The following DLGAP2 variants were observed in gnomAD, a reference collection of about 807,000 sequenced individuals.
DLGAP2 encodes DLG associated protein 2, also known as disks large-associated protein 2.
A neutral mutation model predicts 100.3 loss-of-function variants in DLGAP2; 26 were observed. The observed-to-expected ratio is 0.26, with a 90% CI of 0.19 to 0.36. The LOEUF (loss-of-function observed/expected upper bound fraction) is 0.36. Ranked by LOEUF, DLGAP2 falls within the 10% of genes least tolerant of loss-of-function variation. The probability of loss-of-function intolerance (pLI) is 1.00; values close to 1 mark genes in which losing one functional copy is unlikely to be tolerated. For synonymous variants in DLGAP2, 886 were observed against 630.1 expected (o/e 1.41, Z -6.08); for missense variants, 1,858 against 1,453.2 (o/e 1.28, Z -4.53).
chr8:903,947 G>A (rs761413100), intron 1 of DLGAP2, among the ~76,000 whole-genome samples: 5 of 152,238 alleles, frequency 3.3e-5, no homozygotes, highest in Admixed American at 1.3e-4. Flanking sequence ...GGAGCTGCAC[G>A]GGAGGCATCA....
intron 2 of DLGAP2, among the ~76,000 whole-genome samples, chr8:1,039,512 G>T (rs1328077754): frequency 2.9e-5 from 4 of 138,392 alleles, no homozygotes; most frequent in African/African-American, 1.1e-4. Context: ...GGTCGGCTCG[G>T]TGTGCATGTT....
At chr8:1,028,767 A>C (rs1156763701) in intron 2 of DLGAP2, among the ~76,000 whole-genome samples, 1 of 152,204 alleles carries the variant, frequency 6.6e-6, no homozygotes, top group Non-Finnish European at 1.5e-5. Context: ...AGGCAGTGAG[A>C]ATCCCTTGGG....
intron 5 of DLGAP2, 182 bp from the exon 6 acceptor site, chr8:1,565,501 C>A: frequency 5.3e-6 from 3 of 566,272 alleles, no homozygotes; most frequent in East Asian, 3.0e-5. Context: ...TGAAGAAAAA[C>A]CAACATTTTT....
intron 2 of DLGAP2, among the ~76,000 whole-genome samples, chr8:1,093,250 CCCG>C (rs879331254): frequency 2.6e-5 from 4 of 152,016 alleles, no homozygotes; most frequent in Admixed American, 2.6e-4. Flanking sequence ...CACCTTCACA[CCCG>C]CAGCCAGAAA....
At chr8:1,446,499 G>C (rs1797989878) in intron 3 of DLGAP2, among the ~76,000 whole-genome samples, 1 of 152,168 alleles carries the variant, frequency 6.6e-6, no homozygotes, top group Non-Finnish European at 1.5e-5. Flanking sequence ...CTGTTGCCTT[G>C]TAGTATAGTT....
At chr8:1,515,052 T>G (rs913551993) in intron 4 of DLGAP2, among the ~76,000 whole-genome samples, 66 of 151,336 alleles carry the variant, frequency 4.4e-4, no homozygotes, top group African/African-American at 1.6e-3. Context: ...CGTGCAGGGA[T>G]ACCGATCCCT....
At chr8:1,440,147 G>A (rs1324630545) in intron 3 of DLGAP2, among the ~76,000 whole-genome samples, 3 of 152,104 alleles carry the variant, frequency 2.0e-5, no homozygotes, top group Non-Finnish European at 4.4e-5. Context: ...AAGAAAAAAA[G>A]GAAGTCTGTT....
chr8:1,676,615 A>G lies in DLGAP2; in HGVS notation c.2285A>G (p.Lys762Arg). Residue 762 changes from lysine to arginine, a missense_variant, in exon 11 of 15, where the codon AAG (lysine) becomes AGG (arginine). By Grantham distance (26) the Lys-to-Arg change is conservative. Transcript: ENST00000637795. ...GTCGGGGTGCAAGTGGAAGATGAGA[A>G]GCGGTAACTCAGCCCCTCCTGACAC... ...HSVGVQVEDEKRHGRFKRSNS... is the reference protein window; with the variant it reads ...HSVGVQVEDERRHGRFKRSNS... The G allele has an allele frequency of 6.2e-7, 1 of 1,611,960 alleles. No homozygotes were observed. Among genetic ancestry groups the G allele is most frequent in the Non-Finnish European group, 8.5e-7 (1 of 1,179,122 alleles).
At chr8:847,182 T>C (rs1194459167) in intron 1 of DLGAP2, among the ~76,000 whole-genome samples, 1 of 152,236 alleles carries the variant, frequency 6.6e-6, no homozygotes, top group Non-Finnish European at 1.5e-5. Context: ...ATTCAGGTTT[T>C]CTGCTGCTTC....
chr8:1,660,077 G>A (rs1798374672), intron 8 of DLGAP2, among the ~76,000 whole-genome samples: 1 of 152,090 alleles, frequency 6.6e-6, no homozygotes, highest in Non-Finnish European at 1.5e-5. Flanking sequence ...TGTCTGTAAA[G>A]GATTTTATTT....
At chr8:958,470 C>T (rs1799645914) in intron 2 of DLGAP2, among the ~76,000 whole-genome samples, 1 of 148,708 alleles carries the variant, frequency 6.7e-6, no homozygotes, top group Admixed American at 6.9e-5. Flanking sequence ...TTCATTGTTT[C>T]TGTGGGGATG....
At chr8:1,341,745 G>T (rs1036930205) in intron 3 of DLGAP2, among the ~76,000 whole-genome samples, 1 of 152,148 alleles carries the variant, frequency 6.6e-6, no homozygotes, top group African/African-American at 2.4e-5. Flanking sequence ...CGTTAGCAGG[G>T]TGTGCTAGCA....
chr8:1,491,558 A>G (rs570902946), intron 3 of DLGAP2, among the ~76,000 whole-genome samples: 2 of 152,340 alleles, frequency 1.3e-5, no homozygotes, highest in South Asian at 4.1e-4. Context: ...TGGTGGACAT[A>G]TCTTTAAGGT....
intron 2 of DLGAP2, among the ~76,000 whole-genome samples, chr8:1,243,577 C>T (rs1436555686): frequency 6.6e-6 from 1 of 152,136 alleles, no homozygotes; most frequent in Non-Finnish European, 1.5e-5. Context: ...TTACAAAATT[C>T]TTTATGTTCT....
At chr8:1,131,362 G>T (rs573599238) in intron 2 of DLGAP2, among the ~76,000 whole-genome samples, 1 of 152,134 alleles carries the variant, frequency 6.6e-6, no homozygotes, top group Admixed American at 6.5e-5. Context: ...TCCACGTGCC[G>T]GCAGGTGGGG....
chr8:783,192 C>G (rs774476253), intron 1 of DLGAP2, among the ~76,000 whole-genome samples: 6 of 152,256 alleles, frequency 3.9e-5, no homozygotes, highest in Non-Finnish European at 5.9e-5. Flanking sequence ...ATACATGTGT[C>G]TTTTTTGCGC....
intron 3 of DLGAP2, among the ~76,000 whole-genome samples, chr8:1,277,493 G>A (rs142094463): frequency 1.3e-5 from 2 of 152,106 alleles, no homozygotes; most frequent in African/African-American, 4.8e-5. Context: ...ATTTTACCAG[G>A]AGTCAGGAGA....
chr8:1,542,830 C>A (rs946334871), intron 4 of DLGAP2, among the ~76,000 whole-genome samples: 1 of 152,268 alleles, frequency 6.6e-6, no homozygotes, highest in South Asian at 2.1e-4. Context: ...TCTCCCTTCC[C>A]CAGCAGCGTG....
In DLGAP2 at chr8:1,557,357, C is replaced by T. The variant is rs528926036; in HGVS notation, c.1230+7674C>T. On this transcript the variant is annotated intron_variant, in intron 5 of 14. Transcript: ENST00000637795. ...GCCTGCCTGACCTCCCTCAGGGTCCCGGAAAGAGCCCCTGGTGAGATGGAC... is the reference window on the plus strand; with the variant it reads ...GCCTGCCTGACCTCCCTCAGGGTCCTGGAAAGAGCCCCTGGTGAGATGGAC... Among the ~76,000 whole-genome samples the T allele has an allele frequency of 1.6e-4, 24 of 152,158 alleles. No homozygotes were observed. The East Asian group carries it at 3.5e-3, about 22-fold the overall frequency.
Sources: allele counts gnomAD v4.1 joint callset (sites outside exome capture counted in the v4.1 genomes callset), GRCh38; gene constraint gnomAD v4.1.1; transcripts MANE v1.5; gene names NCBI Gene and HGNC (gene_info 2026-07-23, HGNC 2026-07-21).